JAK2: variants seen among roughly 807,000 people sequenced by gnomAD.
The protein encoded by JAK2 is tyrosine-protein kinase JAK2.
In JAK2, 86 loss-of-function variants were observed where a neutral mutation model predicts 139.3. The ratio of observed to expected loss-of-function variants is 0.62; its 90% confidence interval spans 0.52 to 0.74. JAK2 has a LOEUF of 0.74. Ranked by LOEUF, JAK2 falls within the 30% of genes least tolerant of loss-of-function variation. The pLI is 0.00. For missense variants in JAK2, 1,421 were observed against 1,360.3 expected (o/e 1.04, Z -0.70); for synonymous variants, 490 against 437.7 (o/e 1.12, Z -1.49).
At chr9:5,031,361 A>C (rs1314958291) in intron 4 of JAK2, among the ~76,000 whole-genome samples, 1 of 152,218 alleles carries the variant, frequency 6.6e-6, no homozygotes, top group East Asian at 1.9e-4. Context: ...TTAAATTCAG[A>C]ATCATAAACT....
chr9:5,111,433 GGTCCCGCCTGGTCTTCCATCCTCGGC>G (rs1822524560), intron 22 of JAK2: 1 of 395,738 alleles, frequency 2.5e-6, no homozygotes. Flanking sequence ...AGGTCGGGAA[GGTCCCGCCTGGTCTTCCATCCTCGGC>G]GTACCTGCCC....
Position 5,090,494 on chromosome 9 carries a change from T to A in JAK2, c.2810T>A (p.Leu937Ter). 6.3e-7 allele frequency: 1 copy of A among 1,592,032 alleles called. No individual in the cohort carries two copies. Among genetic ancestry groups the A allele is most frequent in the Non-Finnish European group, 8.6e-7 (1 of 1,168,802 alleles). Residue 937 changes from leucine to a stop codon, truncating the protein, a stop_gained, in exon 21 of 25, where the codon TTA becomes TAA. Transcript: ENST00000381652. LOFTEE classifies it high-confidence loss of function. ...ATGGAATATTTACCATATGGAAGTTTACGAGACTATCTTCAAAAACATAAA... is the reference window on the plus strand; with the variant it reads ...ATGGAATATTTACCATATGGAAGTTAACGAGACTATCTTCAAAAACATAAA... ...LIMEYLPYGSLRDYLQKHKER... is the reference protein window; with the variant it reads ...LIMEYLPYGS
intron 22 of JAK2, among the ~76,000 whole-genome samples, chr9:5,117,370 A>G (rs1823276383): frequency 1.3e-5 from 2 of 152,222 alleles, no homozygotes; most frequent in Non-Finnish European, 2.9e-5. Context: ...TGAGATTCAT[A>G]TTTTAGAAAG....
At chr9:5,114,871 CCTT>C (rs1168195846) in intron 22 of JAK2, 1 of 222,900 alleles carries the variant, frequency 4.5e-6, no homozygotes, top group Non-Finnish European at 9.0e-6. Flanking sequence ...GCTGGCCAGA[CCTT>C]CTGTCCACTG....
At chr9:5,064,013 G>A (rs983589835) in intron 8 of JAK2, among the ~76,000 whole-genome samples, 1 of 152,028 alleles carries the variant, frequency 6.6e-6, no homozygotes, top group Non-Finnish European at 1.5e-5. Flanking sequence ...AAAATTAGCC[G>A]GGCGTCTTGG....
rs141380196 is a variant in JAK2 at position 5,113,921 on chromosome 9, C to T, written c.3060-9083C>T. 390 of 239,254 alleles carry T rather than the reference C, an allele frequency of 1.6e-3. 3 individuals carry two copies. Among genetic ancestry groups the T allele is most frequent in the Non-Finnish European group, 2.1e-3 (246 of 118,186 alleles). 14.8% of individuals were successfully genotyped at this position (239,254 alleles called of 1,614,324 possible). On this transcript the variant is annotated intron_variant, in intron 22 of 24. Coordinates refer to ENST00000381652, the MANE Select transcript of JAK2 (RefSeq NM_004972.4). Reference sequence around the variant, plus strand: ...TCCTGTGATGGCAGTGGACACTTACCCCCGACCATCCAGTTCCTGTGCCTC... The same window carrying T: ...TCCTGTGATGGCAGTGGACACTTACTCCCGACCATCCAGTTCCTGTGCCTC...
In JAK2 at chr9:5,078,327, G is replaced by A. The variant is rs1337922027; in HGVS notation, c.2014G>A (p.Gly672Arg). 6.2e-7 allele frequency: 1 copy of A among 1,612,006 alleles called. No individual in the cohort carries two copies. Among genetic ancestry groups the A allele is most frequent in the Admixed American group, 1.7e-5 (1 of 59,936 alleles). The change falls in exon 16 of 25, where the codon GGG becomes AGG. Residue 672 changes from glycine to arginine, a missense_variant. Physicochemically the swap from Gly to Arg is moderately radical, Grantham distance 125 (BLOSUM62 -2). Coordinates refer to ENST00000381652, the MANE Select transcript of JAK2 (RefSeq NM_004972.4). ...HFLEENTLIHGNVCAKNILLI... is the reference protein window; with the variant it reads ...HFLEENTLIHRNVCAKNILLI... ...ATAGGAAGAAAACACCCTTATTCAT[G>A]GGAATGTATGTGCCAAAAATATTCT...
intron 12 of JAK2, 98 bp downstream of exon 12, chr9:5,070,150 T>C (rs1389631134): frequency 5.2e-6 from 4 of 772,840 alleles, no homozygotes; most frequent in Non-Finnish European, 7.6e-6. Context: ...TATTTTGTTA[T>C]ATACAAATTT....
At chr9:5,012,291 C>G (rs1276678765) in intron 2 of JAK2, among the ~76,000 whole-genome samples, 2 of 152,144 alleles carry the variant, frequency 1.3e-5, no homozygotes, top group African/African-American at 4.8e-5. Flanking sequence ...GTGTATTCCC[C>G]TTCTTTCAAG....
At chr9:5,105,579 G>A (rs1007765470) in intron 22 of JAK2, among the ~76,000 whole-genome samples, 1 of 152,068 alleles carries the variant, frequency 6.6e-6, no homozygotes, top group Admixed American at 6.5e-5. Context: ...AAGTTCATAT[G>A]GAACCAAAAA....
chr9:5,035,009 A>G (rs1330019474), intron 4 of JAK2, among the ~76,000 whole-genome samples: 1 of 152,212 alleles, frequency 6.6e-6, no homozygotes, highest in Non-Finnish European at 1.5e-5. Flanking sequence ...ATAAGAAAAG[A>G]GAGAAGAATC....
intron 4 of JAK2, chr9:5,040,945 G>C (rs1816451736): frequency 2.2e-6 from 1 of 445,756 alleles, no homozygotes; most frequent in Non-Finnish European, 4.2e-6. Flanking sequence ...GCGGAGCCAA[G>C]GAAAGAATCT....
At chr9:5,042,417 G>C (rs539930755) in intron 4 of JAK2, among the ~76,000 whole-genome samples, 1 of 152,074 alleles carries the variant, frequency 6.6e-6, no homozygotes, top group South Asian at 2.1e-4. Flanking sequence ...GATTACAGGC[G>C]TGAGCCACCG....
intron 18 of JAK2, 126 bp from the exon 19 acceptor site, chr9:5,081,599 T>G: frequency 1.6e-6 from 1 of 635,690 alleles, no homozygotes; most frequent in South Asian, 2.2e-5. Flanking sequence ...TTGAAACTAT[T>G]TGAGTTTCCC....
chr9:5,088,793 T>A (rs1194673358), intron 19 of JAK2, among the ~76,000 whole-genome samples: 3 of 152,224 alleles, frequency 2.0e-5, no homozygotes, highest in African/African-American at 7.2e-5. Flanking sequence ...TGCTCTAATG[T>A]CTCTTCCTCT....
At chr9:5,007,231 G>C (rs1821363560) in intron 2 of JAK2, among the ~76,000 whole-genome samples, 1 of 151,968 alleles carries the variant, frequency 6.6e-6, no homozygotes, top group Non-Finnish European at 1.5e-5. Context: ...CTCGTCTTGT[G>C]TATGAATTTA....
At chr9:5,104,312 A>G (rs1821776740) in intron 22 of JAK2, among the ~76,000 whole-genome samples, 1 of 152,230 alleles carries the variant, frequency 6.6e-6, no homozygotes, top group Non-Finnish European at 1.5e-5. Context: ...TAGAAAATCT[A>G]GAAGAAATGG....
At chr9:5,088,480 T>A (rs1820301810) in intron 19 of JAK2, among the ~76,000 whole-genome samples, 1 of 152,196 alleles carries the variant, frequency 6.6e-6, no homozygotes, top group African/African-American at 2.4e-5. Flanking sequence ...TATAGCAACT[T>A]ACCAATTCTA....
At chr9:5,092,466 G>A (rs11788834) in intron 22 of JAK2, among the ~76,000 whole-genome samples, 37,497 of 151,994 alleles carry the variant, frequency 0.25, 5,027 homozygotes, top group South Asian at 0.3. Context: ...TCACAACCTG[G>A]TCACTTTGAG....
Sources: gnomAD v4.1 joint callset for allele counts (sites outside exome capture counted in the v4.1 genomes callset) on GRCh38, gnomAD v4.1.1 for gene constraint, MANE v1.5 for transcripts, NCBI Gene and HGNC (gene_info 2026-07-23, HGNC 2026-07-21) for gene names.